Variants in CCDC77 observed in about 807,000 individuals in gnomAD.
The protein encoded by CCDC77 is coiled-coil domain containing 77, also known as coiled-coil domain-containing protein 77.
A neutral mutation model predicts 66.8 loss-of-function variants in CCDC77; 56 were observed. That is an observed-to-expected ratio of 0.84 (90% CI 0.68 to 1.05). The LOEUF (loss-of-function observed/expected upper bound fraction) is 1.05. Ranked by LOEUF, CCDC77 falls within the 50% of genes least tolerant of loss-of-function variation. The pLI is 0.00. For synonymous variants in CCDC77, 196 were observed against 195.2 expected (o/e 1.00, Z -0.03); for missense variants, 570 against 576.8 (o/e 0.99, Z 0.12).
Position 422,906 on chromosome 12 carries a change from G to A in CCDC77, c.413+4270G>A, listed in dbSNP as rs568686488. On this transcript the variant is annotated intron_variant, in intron 5 of 12. Transcript: ENST00000239830. ...TGGGATTACAGGTGTGTGCTACTGT[G>A]CCCGGCTGAGACCTTACTTTTAATT... 3.3e-5 allele frequency among the ~76,000 whole-genome samples: 5 copies of A among 152,190 alleles called. No homozygotes were observed. In the South Asian group the frequency reaches 1.0e-3, roughly 32 times the overall value.
At position 416,355 on chromosome 12, in the gene CCDC77, G is replaced by GTATATATATA. The variant is rs1565569017; in HGVS notation, c.271-2138_271-2137insATATATATAT. 2.5e-4 allele frequency among the ~76,000 whole-genome samples: 8 copies of GTATATATATA among 31,746 alleles called. No individual in the cohort carries two copies. The East Asian group carries it at 7.5e-3, about 30-fold the overall frequency. 20.8% of individuals were successfully genotyped at this position (31,746 alleles called of 152,430 possible). A position where few individuals can be genotyped will look rare whatever the true frequency, so the allele number is the denominator to read the frequency against. On this transcript the variant is annotated intron_variant, in intron 4 of 12. Transcript: ENST00000239830. ...TGTGGGTGTGTGGGGGTGTGTGTGT[G>GTATATATATA]TGTGTGTGTGTGTGTGTGTGTGTAT... is the stretch of plus-strand genomic sequence containing the variant.
chr12:427,061 A>C lies in CCDC77; in HGVS notation c.414-1708A>C, dbSNP rs565573718. Among the ~76,000 whole-genome samples, 7 of 152,254 alleles carry C rather than the reference A, an allele frequency of 4.6e-5. No individual in the cohort carries two copies. In the South Asian group the frequency reaches 1.5e-3, roughly 32 times the overall value. On this transcript the variant is annotated intron_variant, in intron 5 of 12. Coordinates refer to ENST00000239830, the MANE Select transcript of CCDC77 (RefSeq NM_032358.4). ...GGAGTTCAAGACCAGCCTGGCCAAC[A>C]TGGTGAAACCCCATCTCTACTAAAA...
At position 431,946 on chromosome 12, in the gene CCDC77, A is replaced by G; in HGVS notation, c.664A>G (p.Ile222Val). 5.6e-6 allele frequency: 9 copies of G among 1,605,792 alleles called. No homozygotes were observed. Among genetic ancestry groups the G allele is most frequent in the Non-Finnish European group, 7.7e-6 (9 of 1,173,274 alleles). The stretch of plus-strand genomic sequence containing the variant: ...TTACCAAAGAGACATACAGACACTC[A>G]TCCTACAGGTAAAGAATGTATTTTG... The part of the protein sequence containing the change: ...EHYQRDIQTL[I>V]LQVEALQAQL... Residue 222 changes from isoleucine (I) to valine (V), a missense_variant, in exon 8 of 13, where the codon ATC becomes GTC. By Grantham distance (29) the Ile-to-Val change is conservative. Transcript: ENST00000239830.
chr12:403,026 A>T (rs996823996), intron 1 of CCDC77, among the ~76,000 whole-genome samples: 1 of 152,246 alleles, frequency 6.6e-6, no homozygotes, highest in African/African-American at 2.4e-5. Context: ...TTTTTAAGTT[A>T]AACGTTTCAA....
chr12:390,480 C>G (rs1184461698), intron 1 of CCDC77, among the ~76,000 whole-genome samples: 2 of 152,178 alleles, frequency 1.3e-5, no homozygotes, highest in Non-Finnish European at 2.9e-5. Flanking sequence ...CTCTGAGTAA[C>G]AAATCAGGGG....
In CCDC77 at chr12:430,937, G is replaced by A. The variant is rs188044822; in HGVS notation, c.583+201G>A. On this transcript the variant is annotated intron_variant, in intron 7 of 12. Coordinates refer to ENST00000239830, the MANE Select transcript of CCDC77 (RefSeq NM_032358.4). ...CTACATAAAATACAAAAAACTAGCC[G>A]GGTGTGGTGGCAGGCGCCTGTAATC... is the stretch of plus-strand genomic sequence containing the variant. Among the ~76,000 whole-genome samples the A allele has an allele frequency of 2.4e-4, 36 of 151,986 alleles. No homozygotes were observed. The East Asian group carries it at 4.1e-3, about 17-fold the overall frequency.
chr12:392,994 C>T (rs1317477668), intron 1 of CCDC77, among the ~76,000 whole-genome samples: 1 of 132,352 alleles, frequency 7.6e-6, no homozygotes, highest in East Asian at 2.3e-4. Flanking sequence ...TTAGCAGGAT[C>T]GAGCTGGATT....
At chr12:439,235 T>C (rs1356912251) in intron 10 of CCDC77, among the ~76,000 whole-genome samples, 3 of 151,752 alleles carry the variant, frequency 2.0e-5, no homozygotes, top group African/African-American at 7.3e-5. Flanking sequence ...AAATTATAGA[T>C]TAGGCCAGAC....
intron 1 of CCDC77, chr12:390,010 T>C (rs945840872): frequency 6.6e-6 from 1 of 151,216 alleles, no homozygotes; most frequent in Non-Finnish European, 1.5e-5. Context: ...CAGTATCGTC[T>C]AGCTACCTGC....
chr12:393,435 T>C (rs943744332), intron 1 of CCDC77, among the ~76,000 whole-genome samples: 1 of 151,944 alleles, frequency 6.6e-6, no homozygotes, highest in African/African-American at 2.4e-5. Context: ...TTAATAACCT[T>C]CTCAGATGAC....
At chr12:403,859 C>T (rs961042463) in intron 1 of CCDC77, among the ~76,000 whole-genome samples, 4 of 152,214 alleles carry the variant, frequency 2.6e-5, no homozygotes, top group African/African-American at 9.6e-5. Flanking sequence ...GGCACGATCA[C>T]TGCTCGCTGC....
chr12:422,271 A>G (rs936152302), intron 5 of CCDC77, among the ~76,000 whole-genome samples: 8 of 152,014 alleles, frequency 5.3e-5, no homozygotes, highest in South Asian at 2.1e-4. Context: ...AGAGGGTAAA[A>G]CACACATAGC....
At chr12:438,225 A>T in intron 9 of CCDC77, 110 bp from the exon 10 acceptor site, 1 of 754,734 alleles carries the variant, frequency 1.3e-6, no homozygotes, top group East Asian at 2.7e-5. Flanking sequence ...TACAAAATTT[A>T]TATATCACAC....
At chr12:433,055 T>C (rs1815996112) in intron 8 of CCDC77, 119 bp from the exon 9 acceptor site, 1 of 1,042,912 alleles carries the variant, frequency 9.6e-7, no homozygotes, top group African/African-American at 1.6e-5. Context: ...AGGATTAGGA[T>C]TGAGATGTTT....
At chr12:436,763 T>C in intron 9 of CCDC77, 1 of 984,862 alleles carries the variant, frequency 1.0e-6, no homozygotes, top group Non-Finnish European at 1.2e-6. Flanking sequence ...ACATGATCGG[T>C]TCCTTCCATT....
upstream of CCDC77, among the ~76,000 whole-genome samples, chr12:400,253 T>C (rs913559302): frequency 8.5e-5 from 13 of 152,270 alleles, no homozygotes; most frequent in African/African-American, 3.1e-4. Flanking sequence ...ATGCTGTGGC[T>C]GGTTTGATCT....
Position 413,024 on chromosome 12 carries a change from C to T in CCDC77, c.270+1046C>T, listed in dbSNP as rs368055602. On this transcript the variant is annotated intron_variant, in intron 4 of 12. Coordinates refer to ENST00000239830, the MANE Select transcript of CCDC77 (RefSeq NM_032358.4). The stretch of plus-strand genomic sequence containing the variant: ...CGCGATCTCAGCTCACCACAAGCTC[C>T]GCCTCCCGGGTTCATGCCATTCTCC... Among the ~76,000 whole-genome samples, 29 of 151,574 alleles carry T rather than the reference C, an allele frequency of 1.9e-4. No individual in the cohort carries two copies. In the East Asian group the frequency reaches 2.5e-3, roughly 13 times the overall value.
rs746605500 is a variant in CCDC77, at chr12:431,975, G to A, written c.672+21G>A. 3.3e-6 allele frequency: 5 copies of A among 1,499,926 alleles called. No homozygotes were observed. The African/African-American group carries it at 5.6e-5, about 17-fold the overall frequency. 92.9% of individuals were successfully genotyped at this position (1,499,926 alleles called of 1,614,324 possible). A position where few individuals can be genotyped will look rare whatever the true frequency, so the allele number is the denominator to read the frequency against. On this transcript the variant is annotated intron_variant, in intron 8 of 12. Transcript: ENST00000239830. ...TACAGGTAAAGAATGTATTTTGGCA[G>A]ACCAAGATGGCTTTTATCCACAGGT...
intron 1 of CCDC77, 39 bp from the exon 2 acceptor site, chr12:405,472 A>G (rs1303043389): frequency 1.3e-5 from 2 of 152,248 alleles, no homozygotes; most frequent in Non-Finnish European, 1.5e-5. Context: ...AATGTTACCC[A>G]TAATCCTTCC....
Sources: gnomAD v4.1 joint callset for allele counts (sites outside exome capture counted in the v4.1 genomes callset) on GRCh38, gnomAD v4.1.1 for gene constraint, MANE v1.5 for transcripts, NCBI Gene and HGNC (gene_info 2026-07-23, HGNC 2026-07-21) for gene names.